The following C8orf34 variants were observed in gnomAD, a reference collection of about 807,000 sequenced individuals.
C8orf34 encodes chromosome 8 open reading frame 34, also known as uncharacterized protein C8orf34.
In C8orf34, 65 loss-of-function variants were observed where a neutral mutation model predicts 68.3. That is an observed-to-expected ratio of 0.95 (90% CI 0.78 to 1.17). C8orf34 has a LOEUF of 1.17. Among genes scored for constraint, C8orf34 ranks in the 50% most tolerant of loss-of-function variants. The pLI is 0.00. For missense variants in C8orf34, 664 were observed against 655.4 expected, an observed-to-expected ratio of 1.01 and a Z score of -0.14; for synonymous variants, 244 against 241.2, an observed-to-expected ratio of 1.01 and a Z score of -0.11.
At chr8:68,741,409 T>A (rs1822289074) in intron 10 of C8orf34, among the ~76,000 whole-genome samples, 1 of 152,172 alleles carries the variant, frequency 6.6e-6, no homozygotes, top group African/African-American at 2.4e-5. Flanking sequence ...TGCATCTTAA[T>A]ACCATCAGGG....
intron 6 of C8orf34, among the ~76,000 whole-genome samples, chr8:68,529,879 A>G (rs899686105): frequency 1.8e-4 from 28 of 152,084 alleles, no homozygotes; most frequent in African/African-American, 6.5e-4. Flanking sequence ...TTTAATATCT[A>G]ACCATCCTAT....
At chr8:68,756,078 C>CAA (rs1342326162) in intron 10 of C8orf34, among the ~76,000 whole-genome samples, 3 of 98,980 alleles carry the variant, frequency 3.0e-5, no homozygotes, top group African/African-American at 1.5e-4. Context: ...AAAAAACAAA[C>CAA]AAAAAAACAA....
intron 1 of C8orf34, among the ~76,000 whole-genome samples, chr8:68,384,421 G>A (rs79039862): frequency 6.6e-6 from 1 of 152,172 alleles, no homozygotes; most frequent in Non-Finnish European, 1.5e-5. Context: ...TATATATGGC[G>A]CTGGCCTCTG....
chr8:68,693,691 A>G (rs1820746449), intron 8 of C8orf34, among the ~76,000 whole-genome samples: 1 of 152,106 alleles, frequency 6.6e-6, no homozygotes, highest in South Asian at 2.1e-4. Flanking sequence ...ACCCAATAAA[A>G]TGACATTTCC....
chr8:68,423,666 A>G (rs956912956), intron 1 of C8orf34, among the ~76,000 whole-genome samples: 9 of 152,040 alleles, frequency 5.9e-5, no homozygotes, highest in African/African-American at 1.9e-4. Flanking sequence ...GGGTATCTTT[A>G]CAGCAGCACC....
chr8:68,703,740 G>A (rs1381689420), intron 8 of C8orf34, among the ~76,000 whole-genome samples: 1 of 152,162 alleles, frequency 6.6e-6, no homozygotes, highest in East Asian at 1.9e-4. Flanking sequence ...ACAGCCACCT[G>A]TCCAGGGTTG....
intron 10 of C8orf34, among the ~76,000 whole-genome samples, chr8:68,747,547 C>A (rs1049692083): frequency 4.0e-5 from 6 of 150,302 alleles, no homozygotes; most frequent in Non-Finnish European, 7.4e-5. Flanking sequence ...TCTCAGGATA[C>A]AAAATCAATG....
chr8:68,478,027 C>T (rs1812697180), intron 4 of C8orf34, among the ~76,000 whole-genome samples: 1 of 152,194 alleles, frequency 6.6e-6, no homozygotes, highest in Non-Finnish European at 1.5e-5. Flanking sequence ...CTGACATGCC[C>T]TGGAGACATT....
At chr8:68,468,208 T>C (rs1459866058) in intron 3 of C8orf34, among the ~76,000 whole-genome samples, 1 of 152,022 alleles carries the variant, frequency 6.6e-6, no homozygotes, top group Non-Finnish European at 1.5e-5. Context: ...TCTACACTTG[T>C]TCAACTAATT....
intron 12 of C8orf34, 88 bp from the exon 13 acceptor site, chr8:68,815,798 T>C: frequency 6.2e-7 from 1 of 1,608,896 alleles, no homozygotes; most frequent in Non-Finnish European, 8.5e-7. Flanking sequence ...TAATCTTCAC[T>C]AGAAATTGGC....
intron 10 of C8orf34, among the ~76,000 whole-genome samples, chr8:68,761,314 CTG>C (rs894152829): frequency 2.0e-4 from 31 of 152,328 alleles, no homozygotes; most frequent in African/African-American, 7.2e-4. Flanking sequence ...GGAACCCCTT[CTG>C]TAGCTCACTA....
chr8:68,556,226 CTCTA>C (rs961142025), intron 7 of C8orf34, among the ~76,000 whole-genome samples: 6 of 149,490 alleles, frequency 4.0e-5, no homozygotes, highest in Non-Finnish European at 5.9e-5. Flanking sequence ...TTATCTCAAT[CTCTA>C]TCTAGTAAAC....
intron 10 of C8orf34, among the ~76,000 whole-genome samples, chr8:68,742,717 C>T (rs1822339300): frequency 6.6e-6 from 1 of 151,990 alleles, no homozygotes; most frequent in African/African-American, 2.4e-5. Context: ...TCTGCCCTTT[C>T]ACCAACATCT....
intron 10 of C8orf34, among the ~76,000 whole-genome samples, chr8:68,722,645 A>G (rs1327579950): frequency 6.6e-6 from 1 of 151,906 alleles, no homozygotes; most frequent in Non-Finnish European, 1.5e-5. Context: ...CTACTGTGTG[A>G]TACAATTTAC....
At chr8:68,503,652 C>G (rs187382251) in intron 5 of C8orf34, among the ~76,000 whole-genome samples, 20 of 150,896 alleles carry the variant, frequency 1.3e-4, no homozygotes, top group Non-Finnish European at 2.9e-4. Context: ...GTTCTCAAAA[C>G]GGTCCAATGG....
intron 8 of C8orf34, among the ~76,000 whole-genome samples, chr8:68,702,500 AC>A (rs1191466196): frequency 6.6e-6 from 1 of 152,176 alleles, no homozygotes; most frequent in Non-Finnish European, 1.5e-5. Flanking sequence ...ATTCAAAAAA[AC>A]ATTTGACAAA....
intron 13 of C8orf34, among the ~76,000 whole-genome samples, chr8:68,817,606 T>C (rs1413644587): frequency 1.3e-5 from 2 of 152,140 alleles, no homozygotes; most frequent in Non-Finnish European, 2.9e-5. Flanking sequence ...ATAACTATGA[T>C]ACAAAGCAGA....
chr8:68,359,110 T>A (rs1806874476), intron 1 of C8orf34, among the ~76,000 whole-genome samples: 1 of 152,168 alleles, frequency 6.6e-6, no homozygotes, highest in African/African-American at 2.4e-5. Context: ...TGAGAGATAA[T>A]GAAGTCATTA....
intron 3 of C8orf34, among the ~76,000 whole-genome samples, chr8:68,450,742 T>C (rs974608361): frequency 6.6e-6 from 1 of 152,120 alleles, no homozygotes; most frequent in Non-Finnish European, 1.5e-5. Context: ...TGTGCTGTCA[T>C]CCAGGCTTTG....
Sources: allele counts gnomAD v4.1 joint callset (sites outside exome capture counted in the v4.1 genomes callset), GRCh38; gene constraint gnomAD v4.1.1; transcripts MANE v1.5; gene names NCBI Gene and HGNC (gene_info 2026-07-23, HGNC 2026-07-21).